ABCA13: variants seen among roughly 807,000 people sequenced by gnomAD.
ABCA13 encodes the protein ATP binding cassette subfamily A member 13.
ABCA13 carries 476 observed loss-of-function variants against 478.7 expected under a neutral mutation model. The observed-to-expected ratio is 0.99, with a 90% confidence interval of 0.92 to 1.07. The LOEUF (loss-of-function observed/expected upper bound fraction) is 1.07. Among genes scored for constraint, ABCA13 ranks in the 50% least tolerant of loss-of-function variants. The probability of loss-of-function intolerance (pLI) is 0.00; values close to 1 mark genes in which losing one functional copy is unlikely to be tolerated. For synonymous variants in ABCA13, 2,252 were observed against 2,158.9 expected (o/e 1.04, Z -1.20); for missense variants, 6,060 against 5,910.6 (o/e 1.03, Z -0.83).
chr7:48,413,532 A>G (rs972435828), intron 41 of ABCA13, among the ~76,000 whole-genome samples: 4 of 152,164 alleles, frequency 2.6e-5, no homozygotes, highest in Admixed American at 2.0e-4. Flanking sequence ...TTTGAGCCCT[A>G]ATTTTACATT....
chr7:48,475,290 C>T (rs927850147), intron 45 of ABCA13, among the ~76,000 whole-genome samples: 5 of 152,026 alleles, frequency 3.3e-5, no homozygotes, highest in African/African-American at 1.2e-4. Flanking sequence ...GAGACGTACA[C>T]AAAGCTGTGT....
chr7:48,635,472 C>T (rs1039011316), intron 59 of ABCA13, among the ~76,000 whole-genome samples: 12 of 152,246 alleles, frequency 7.9e-5, no homozygotes, highest in Middle Eastern at 3.4e-3. Context: ...CATGTGGAAA[C>T]CCCACACCAT....
chr7:48,398,317 G>C (rs1479493844), intron 38 of ABCA13, among the ~76,000 whole-genome samples: 1 of 152,026 alleles, frequency 6.6e-6, no homozygotes, highest in Non-Finnish European at 1.5e-5. Context: ...ATCTTTTTTT[G>C]GGTGCCAGGC....
intron 2 of ABCA13, among the ~76,000 whole-genome samples, chr7:48,197,893 C>G (rs1476380140): frequency 6.6e-6 from 1 of 152,092 alleles, no homozygotes; most frequent in Non-Finnish European, 1.5e-5. Context: ...TCTATTCTTC[C>G]TACCCACAGC....
At chr7:48,333,975 G>T (rs993950295) in intron 27 of ABCA13, among the ~76,000 whole-genome samples, 1 of 152,138 alleles carries the variant, frequency 6.6e-6, no homozygotes, top group Admixed American at 6.6e-5. Flanking sequence ...AGTGTCATCC[G>T]AGCTGATCCC....
At chr7:48,240,211 A>G (rs891868158) in intron 9 of ABCA13, among the ~76,000 whole-genome samples, 3 of 152,256 alleles carry the variant, frequency 2.0e-5, no homozygotes, top group South Asian at 2.1e-4. Flanking sequence ...TCGTGGCACT[A>G]AAGTCATCCG....
intron 3 of ABCA13, among the ~76,000 whole-genome samples, chr7:48,202,338 T>C (rs2128922161): frequency 6.6e-6 from 1 of 152,202 alleles, no homozygotes; most frequent in South Asian, 2.1e-4. Context: ...CCCATCAGAT[T>C]AGTTAGATAC....
At chr7:48,340,164 T>C (rs1415242032) in intron 29 of ABCA13, among the ~76,000 whole-genome samples, 2 of 152,182 alleles carry the variant, frequency 1.3e-5, no homozygotes, top group African/African-American at 2.4e-5. Context: ...TGTAGTGCAA[T>C]GGTGCAATCT....
intron 23 of ABCA13, among the ~76,000 whole-genome samples, chr7:48,303,540 T>A (rs1584741023): frequency 1.3e-5 from 2 of 152,168 alleles, no homozygotes. Flanking sequence ...CCAGTTTCAA[T>A]CTTCTGCACA....
chr7:48,288,184 A>G lies in ABCA13; in HGVS notation c.8955+106A>G, dbSNP rs559015441. The G allele has an allele frequency of 5.8e-4, 581 of 1,008,622 alleles. 3 individuals are homozygous for G. In the African/African-American group the frequency reaches 8.1e-3, roughly 14 times the overall value. 62.5% of individuals were successfully genotyped at this position (1,008,622 alleles called of 1,614,324 possible). On this transcript the variant is annotated intron_variant, in intron 20 of 61. Coordinates refer to ENST00000435803, the MANE Select transcript of ABCA13 (RefSeq NM_152701.5). Reference sequence around the variant, plus strand: ...CTGCTTCGTTCTTATAACTACAGCAATGGTGTCATACACAGTCTTGTTGCA... The same window carrying G: ...CTGCTTCGTTCTTATAACTACAGCAGTGGTGTCATACACAGTCTTGTTGCA...
At position 48,219,349 on chromosome 7, in the gene ABCA13, T is replaced by G; in HGVS notation, c.288-5T>G. 6.2e-7 allele frequency: 1 copy of G among 1,602,426 alleles called. No homozygotes were observed. Among genetic ancestry groups the G allele is most frequent in the African/African-American group, 1.4e-5 (1 of 73,900 alleles). Reference sequence around the variant, plus strand: ...TTTCACTTGCAGTATTTATTCTGTTTAAAGTTTGTCTAGGTTCCAAACTGC... The same window carrying G: ...TTTCACTTGCAGTATTTATTCTGTTGAAAGTTTGTCTAGGTTCCAAACTGC... On this transcript the variant is annotated splice_polypyrimidine_tract_variant and splice_region_variant and intron_variant, in intron 3 of 61. Transcript: ENST00000435803.
intron 49 of ABCA13, among the ~76,000 whole-genome samples, 173 bp from the exon 50 acceptor site, chr7:48,507,699 A>G (rs920362716): frequency 6.6e-6 from 1 of 152,244 alleles, no homozygotes; most frequent in Non-Finnish European, 1.5e-5. Context: ...CCATGTCTCA[A>G]AAGGTGGCTG....
At chr7:48,418,017 T>A (rs1175074325) in intron 41 of ABCA13, among the ~76,000 whole-genome samples, 2 of 152,258 alleles carry the variant, frequency 1.3e-5, no homozygotes, top group African/African-American at 4.8e-5. Context: ...CTTGATAGCT[T>A]ATTTCATTGT....
chr7:48,506,144 C>T (rs138778611), intron 48 of ABCA13, among the ~76,000 whole-genome samples, 192 bp from the exon 49 acceptor site: 1 of 152,296 alleles, frequency 6.6e-6, no homozygotes, highest in East Asian at 1.9e-4. Flanking sequence ...ACAGCAATGA[C>T]AGAAATCCCA....
In ABCA13 at chr7:48,271,417, C is replaced by T. The variant is rs141737105; in HGVS notation, c.2121-370C>T. 3.3e-3 allele frequency among the ~76,000 whole-genome samples: 501 copies of T among 152,224 alleles called. 1 individual carries two copies. Among genetic ancestry groups the T allele is most frequent in the African/African-American group, 0.011 (469 of 41,536 alleles). ...TACAGGCATGGTTTCTAATGCACTC[C>T]ACTATCTGTGCTACCTTTACATGCC... On this transcript the variant is annotated intron_variant, in intron 16 of 61. Coordinates refer to ENST00000435803, the MANE Select transcript of ABCA13 (RefSeq NM_152701.5).
chr7:48,482,998 G>T, intron 46 of ABCA13, 78 bp from the exon 47 acceptor site: 1 of 1,161,984 alleles, frequency 8.6e-7, no homozygotes, highest in South Asian at 1.4e-5. Flanking sequence ...ACCTGGTGGG[G>T]TTAGTAATGA....
At chr7:48,181,109 A>G (rs2128870427) in intron 1 of ABCA13, among the ~76,000 whole-genome samples, 1 of 152,330 alleles carries the variant, frequency 6.6e-6, no homozygotes, top group African/African-American at 2.4e-5. Context: ...CTGTAAAGCC[A>G]GTTGATGCAT....
chr7:48,218,645 G>A (rs910892792), intron 3 of ABCA13, among the ~76,000 whole-genome samples: 20 of 152,178 alleles, frequency 1.3e-4, no homozygotes, highest in African/African-American at 4.8e-4. Context: ...TCCAGACCTA[G>A]CTTTGCTGCA....
rs552039009 is a variant in ABCA13 at position 48,644,157 on chromosome 7, A to T, written c.14944-460A>T. ...TTATGACTCTGAGTCACCCTATAAA[A>T]CAGACATAATTATCTCCATTGGCAT... On this transcript the variant is annotated intron_variant, in intron 60 of 61. Coordinates refer to ENST00000435803, the MANE Select transcript of ABCA13 (RefSeq NM_152701.5). Among the ~76,000 whole-genome samples the T allele has an allele frequency of 7.9e-5, 12 of 152,284 alleles. No individual in the cohort carries two copies. The South Asian group carries it at 2.3e-3, about 29-fold the overall frequency.
Sources: allele counts gnomAD v4.1 joint callset (sites outside exome capture counted in the v4.1 genomes callset), GRCh38; gene constraint gnomAD v4.1.1; transcripts MANE v1.5; gene names NCBI Gene and HGNC (gene_info 2026-07-23, HGNC 2026-07-21).